Variants in DNHD1 observed in about 807,000 individuals in gnomAD.
DNHD1 encodes the protein dynein heavy chain domain-containing protein 1.
A neutral mutation model predicts 458.1 loss-of-function variants in DNHD1; 383 were observed. The observed-to-expected ratio is 0.84, with a 90% CI of 0.77 to 0.91. The LOEUF is 0.91. DNHD1 is among the 40% of genes least tolerant of loss of function. The pLI, the probability that DNHD1 is intolerant of heterozygous loss-of-function variation, is 0.00. For missense variants in DNHD1, 5,336 were observed against 5,866.1 expected (o/e 0.91, Z 2.95); for synonymous variants, 2,203 against 2,376.9 (o/e 0.93, Z 2.13).
chr11:6,544,397 A>G, intron 19 of DNHD1, 151 bp downstream of exon 19: 1 of 625,510 alleles, frequency 1.6e-6, no homozygotes, highest in Non-Finnish European at 2.0e-6. Context: ...TGAAGAGATC[A>G]GGTTTTTATT....
chr11:6,532,849 G>A (rs1852855647), intron 12 of DNHD1, among the ~76,000 whole-genome samples, 178 bp from the exon 13 acceptor site: 1 of 152,114 alleles, frequency 6.6e-6, no homozygotes, highest in Admixed American at 6.5e-5. Flanking sequence ...CCAGTATAGA[G>A]CACAGTCCCC....
chr11:6,523,166 G>T (rs1163189365), intron 10 of DNHD1, among the ~76,000 whole-genome samples: 1 of 152,228 alleles, frequency 6.6e-6, no homozygotes, highest in East Asian at 1.9e-4. Flanking sequence ...ACACTGAAAA[G>T]AGACAAAGGA....
Position 6,528,503 on chromosome 11 carries a change from A to G in DNHD1, c.1838-19A>G, listed in dbSNP as rs1174753960. On this transcript the variant is annotated intron_variant, in intron 10 of 42. Transcript: ENST00000254579. Reference sequence around the variant, plus strand: ...CTCTGGAGGGTACTCACGGACAATTATGGCCTGTGCTCCACTAGAAGAAGA... The same window carrying G: ...CTCTGGAGGGTACTCACGGACAATTGTGGCCTGTGCTCCACTAGAAGAAGA... 3 of 1,544,114 alleles carry G rather than the reference A, an allele frequency of 1.9e-6. No individual in the cohort carries two copies. Among genetic ancestry groups the G allele is most frequent in the Admixed American group, 3.9e-5 (2 of 50,790 alleles).
chr11:6,498,442 G>A lies in DNHD1; in HGVS notation c.227G>A (p.Ser76Asn), dbSNP rs1852074726. Reference sequence around the variant, plus strand: ...CTGTTCTCAGCTGTGTTGCAGGACAGTAGCCCTGCAGCTTGGCGCTATCTT... The same window carrying A: ...CTGTTCTCAGCTGTGTTGCAGGACAATAGCCCTGCAGCTTGGCGCTATCTT... ...RTLFSAVLQD[S>N]SPAAWRYLHA... The change falls in exon 3 of 43, where the codon AGT becomes AAT. Residue 76 changes from serine (S) to asparagine (N), a missense_variant. By Grantham distance (46) the Ser-to-Asn change is conservative. Around this residue, in one of 4 missense-constraint regions of DNHD1, gnomAD observed 3,932 missense variants for 4,365.6 expected, o/e 0.90. Coordinates refer to ENST00000254579, the MANE Select transcript of DNHD1 (RefSeq NM_144666.3). 1 of 1,614,244 alleles carries A rather than the reference G, an allele frequency of 6.2e-7. No homozygotes were observed.
At chr11:6,560,109 T>C (rs1052717726) in intron 28 of DNHD1, among the ~76,000 whole-genome samples, 4 of 152,224 alleles carry the variant, frequency 2.6e-5, no homozygotes, top group Non-Finnish European at 5.9e-5. Flanking sequence ...CAGTTTTGTT[T>C]TTAATAAGAA....
intron 12 of DNHD1, among the ~76,000 whole-genome samples, chr11:6,531,684 C>T (rs1195240868): frequency 6.6e-6 from 1 of 152,100 alleles, no homozygotes; most frequent in African/African-American, 2.4e-5. Flanking sequence ...AGCAGGTTTT[C>T]TTATTATCAG....
In DNHD1 at chr11:6,547,283, A is replaced by AGATAGC. The variant is rs1853242362; in HGVS notation, c.6345_6350dup (p.Ile2116_Ala2117dup). ...CAGCTTAGTCTCCCCAGTGGACAGC[A>AGATAGC]GATAGCACGACCCCCAGGCACCTTT... On this transcript the variant is annotated inframe_insertion, in exon 21 of 43. Transcript: ENST00000254579. The AGATAGC allele has an allele frequency of 1.3e-6, 2 of 1,551,686 alleles. No individual in the cohort carries two copies. Among genetic ancestry groups the AGATAGC allele is most frequent in the Admixed American group, 2.0e-5 (1 of 50,990 alleles).
In DNHD1 at chr11:6,545,999, G is replaced by T; in HGVS notation, c.5060G>T (p.Gly1687Val). 1 of 1,551,750 alleles carries T rather than the reference G, an allele frequency of 6.4e-7. No individual in the cohort carries two copies. Among genetic ancestry groups the T allele is most frequent in the Non-Finnish European group, 8.7e-7 (1 of 1,146,992 alleles). Residue 1687 changes from glycine to valine, a missense_variant, in exon 21 of 43, where the codon GGT becomes GTT. Gly to Val is a moderately radical substitution (Grantham distance 109). Around this residue, in one of 4 missense-constraint regions of DNHD1, gnomAD observed 3,932 missense variants for 4,365.6 expected, o/e 0.90. Transcript: ENST00000254579. The surrounding 1 kb of genome is among the most constrained non-coding windows in gnomAD (Gnocchi z 4.9). Reference protein sequence around the residue: ...LEEVACGTVLGPNGVGKRAIV... With the variant: ...LEEVACGTVLVPNGVGKRAIV... ...GAGGTGGCCTGTGGGACCGTACTGG[G>T]TCCTAATGGTGTGGGCAAGAGAGCT...
In DNHD1 at chr11:6,544,135, C is replaced by T. The variant is rs1226889889; in HGVS notation, c.3643C>T (p.Gln1215Ter). The change falls in exon 19 of 43, where the codon CAG becomes TAG. Residue 1215 changes from glutamine (Q) to a stop codon, truncating the protein, a stop_gained. Transcript: ENST00000254579. LOFTEE classifies it high-confidence loss of function. ...TTCTGTCTTAGATTACAGCAACCTGCAGGATTCCATCCAGGAAAGTCTTCA... is the reference window on the plus strand; with the variant it reads ...TTCTGTCTTAGATTACAGCAACCTGTAGGATTCCATCCAGGAAAGTCTTCA... Reference protein sequence around the residue: ...TFILSDYSNLQDSIQESLQVL... With the variant: ...TFILSDYSNL 6.4e-7 allele frequency: 1 copy of T among 1,551,618 alleles called. No individual in the cohort carries two copies. The highest frequency in any genetic ancestry group is 2.0e-5 in the Admixed American group (1 of 51,008).
chr11:6,528,449 G>T, intron 10 of DNHD1, 73 bp from the exon 11 acceptor site: 3 of 1,424,886 alleles, frequency 2.1e-6, no homozygotes, highest in South Asian at 1.4e-5. Context: ...ACACACTGAG[G>T]GCAAGGAGAA....
rs1853714873 is a variant in DNHD1 at position 6,566,932 on chromosome 11, A to G, written c.11423A>G (p.Lys3808Arg). 2.5e-6 allele frequency: 4 copies of G among 1,613,708 alleles called. No homozygotes were observed. Among genetic ancestry groups the G allele is most frequent in the Non-Finnish European group, 3.4e-6 (4 of 1,179,726 alleles). ...LLTMLLFQNP[K>R]RQKPAKFLRN... ...ACGATGCTGCTGTTCCAGAATCCGA[A>G]GCGTCAGAAGCCAGCCAAGTTTCTG... The change falls in exon 36 of 43, where the codon AAG becomes AGG. Residue 3808 changes from lysine (K) to arginine (R), a missense_variant. Lys to Arg is a conservative substitution (Grantham distance 26). This residue lies in a region of DNHD1 where 695 missense variants were observed against 804.2 expected (regional missense o/e 0.86). Transcript: ENST00000254579.
Position 6,538,996 on chromosome 11 carries a change from TC to T in DNHD1, c.3325+188del, listed in dbSNP as rs1385703666. Among the ~76,000 whole-genome samples, 4 of 152,300 alleles carry T rather than the reference TC, an allele frequency of 2.6e-5. No homozygotes were observed. In the South Asian group the frequency reaches 6.2e-4, roughly 24 times the overall value. ...AAAATTTTTAACTTCCCTTACTACCTCCTCTCTGCTGATGGTGGCTGGGCTT... is the reference window on the plus strand; with the variant it reads ...AAAATTTTTAACTTCCCTTACTACCTCTCTCTGCTGATGGTGGCTGGGCTT... On this transcript the variant is annotated intron_variant, in intron 16 of 42. Transcript: ENST00000254579.
At chr11:6,551,741 G>T (rs986983271) in intron 24 of DNHD1, among the ~76,000 whole-genome samples, 1 of 152,248 alleles carries the variant, frequency 6.6e-6, no homozygotes, top group African/African-American at 2.4e-5. Context: ...AGGAGATGGA[G>T]ACCATCCTGG....
At chr11:6,509,573 A>T (rs567784077) in intron 6 of DNHD1, among the ~76,000 whole-genome samples, 1 of 152,118 alleles carries the variant, frequency 6.6e-6, no homozygotes, top group African/African-American at 2.4e-5. Flanking sequence ...GAATATATGC[A>T]ATATTCTCCA....
intron 24 of DNHD1, among the ~76,000 whole-genome samples, chr11:6,553,353 T>G (rs970828742): frequency 2.6e-5 from 4 of 152,218 alleles, no homozygotes; most frequent in African/African-American, 4.8e-5. Flanking sequence ...TTTCTCAATT[T>G]GATGAAAAGC....
At position 6,570,244 on chromosome 11, in the gene DNHD1, C is replaced by T. The variant is rs772383469; in HGVS notation, c.12956-3C>T. The T allele has an allele frequency of 1.9e-6, 3 of 1,613,704 alleles. No individual in the cohort carries two copies. Among genetic ancestry groups the T allele is most frequent in the Non-Finnish European group, 2.5e-6 (3 of 1,179,752 alleles). ...AACTGAGAGACTCTAACCTCATCTT[C>T]AGCTTCAGTTTTCTACGGGGGTCCT... On this transcript the variant is annotated splice_polypyrimidine_tract_variant and splice_region_variant and intron_variant, in intron 40 of 42. Transcript: ENST00000254579.
chr11:6,509,415 T>A, intron 6 of DNHD1, 143 bp downstream of exon 6: 1 of 688,858 alleles, frequency 1.5e-6, no homozygotes, highest in South Asian at 2.0e-5. Context: ...TATGAACATT[T>A]TGTTGCATAT....
chr11:6,528,404 GGTGTGTGT>G (rs55919773), intron 10 of DNHD1, 110 bp from the exon 11 acceptor site: 498 of 880,966 alleles, frequency 5.7e-4, no homozygotes, highest in Admixed American at 1.1e-3. Context: ...GCAGCGAATG[GGTGTGTGT>G]GTGTGTGTGT....
In DNHD1 at chr11:6,547,627, C is replaced by T; in HGVS notation, c.6688C>T (p.Leu2230Phe). ...MARILHSLLD[L>F]HLRLKEEKAP... ...ACGCATCTTGCATAGTCTGCTTGAC[C>T]TCCACCTTCGCCTAAAGGAGGAGAA... Residue 2230 changes from leucine (L) to phenylalanine (F), a missense_variant, in exon 21 of 43, where the codon CTC becomes TTC. Transcript: ENST00000254579. 6.5e-7 allele frequency: 1 copy of T among 1,535,190 alleles called. No individual in the cohort carries two copies.
Sources: allele counts gnomAD v4.1 joint callset (sites outside exome capture counted in the v4.1 genomes callset), GRCh38; gene constraint gnomAD v4.1.1; regional missense constraint gnomAD v4.1.1; non-coding constraint Gnocchi (gnomAD v3.1); transcripts MANE v1.5; gene names NCBI Gene and HGNC (gene_info 2026-07-23, HGNC 2026-07-21).